Variants in NUP35 observed in about 807,000 individuals in gnomAD.
NUP35 encodes nucleoporin 35.
Under a neutral mutation model 41.5 loss-of-function variants are expected in NUP35, and 25 were observed. That is an observed-to-expected ratio of 0.60 (90% CI 0.44 to 0.84). The LOEUF (loss-of-function observed/expected upper bound fraction) is 0.84, where lower values mean the gene tolerates loss of function less well. Among genes scored for constraint, NUP35 ranks in the 40% least tolerant of loss-of-function variants. The pLI is 0.00. For synonymous variants in NUP35, 149 were observed against 130.7 expected (o/e 1.14, Z -0.96); for missense variants, 396 against 396.6 (o/e 1.00, Z 0.01).
intron 4 of NUP35, among the ~76,000 whole-genome samples, chr2:183,140,912 A>T (rs1452051269): frequency 6.6e-6 from 1 of 152,066 alleles, no homozygotes. Flanking sequence ...GCCAGTCCAG[A>T]TCTTAGAGCT....
intron 4 of NUP35, among the ~76,000 whole-genome samples, chr2:183,138,265 A>ATTTTTT (rs1167656474): frequency 1.4e-4 from 10 of 69,190 alleles, no homozygotes; most frequent in East Asian, 1.0e-3. Flanking sequence ...ATATATATAT[A>ATTTTTT]TATATTTTTT....
chr2:183,154,434 C>T (rs148171414), intron 5 of NUP35, among the ~76,000 whole-genome samples: 8,208 of 152,300 alleles, frequency 0.054, 282 homozygotes, highest in Middle Eastern at 0.082. Flanking sequence ...CTTTTGAATG[C>T]TTTGCTGCTT....
intron 4 of NUP35, among the ~76,000 whole-genome samples, chr2:183,150,512 T>G (rs1685433328): frequency 6.6e-6 from 1 of 152,154 alleles, no homozygotes; most frequent in Admixed American, 6.6e-5. Flanking sequence ...TTTGCTTCCC[T>G]TGTCCTTCAG....
intron 4 of NUP35, among the ~76,000 whole-genome samples, chr2:183,141,349 G>T (rs1387278733): frequency 1.3e-5 from 2 of 152,180 alleles, no homozygotes; most frequent in Admixed American, 6.5e-5. Context: ...TTGCCACATA[G>T]ATAGCATTTG....
At chr2:183,150,850 C>A (rs1359654148) in intron 4 of NUP35, among the ~76,000 whole-genome samples, 1 of 152,186 alleles carries the variant, frequency 6.6e-6, no homozygotes, top group African/African-American at 2.4e-5. Context: ...ATAGTCTTTG[C>A]TTCTCTCAAA....
At chr2:183,123,912 C>G, upstream of NUP35, 14 of 699,650 alleles carry the variant, frequency 2.0e-5, no homozygotes, top group Non-Finnish European at 2.5e-5. Flanking sequence ...TGCAACAAAA[C>G]GGCGTATGAG....
At chr2:183,136,011 T>C (rs974944067) in intron 4 of NUP35, among the ~76,000 whole-genome samples, 2 of 152,228 alleles carry the variant, frequency 1.3e-5, no homozygotes, top group African/African-American at 4.8e-5. Context: ...ATTGGATCCT[T>C]TGAATCCTCC....
chr2:183,155,563 GTC>G (rs748545985), intron 5 of NUP35, among the ~76,000 whole-genome samples: 2 of 143,504 alleles, frequency 1.4e-5, no homozygotes, highest in Admixed American at 7.3e-5. Context: ...CATTTTTATA[GTC>G]TCTCATAAAA....
At chr2:183,143,047 T>C (rs1443612614) in intron 4 of NUP35, among the ~76,000 whole-genome samples, 8 of 150,520 alleles carry the variant, frequency 5.3e-5, no homozygotes, top group Non-Finnish European at 1.2e-4. Context: ...TCCCAGCTAC[T>C]CGGGAGGCTG....
intron 4 of NUP35, among the ~76,000 whole-genome samples, chr2:183,142,958 C>T (rs901774626): frequency 4.6e-5 from 7 of 151,470 alleles, no homozygotes; most frequent in African/African-American, 9.7e-5. Context: ...AGATCGAGAC[C>T]GTCCTAGCTA....
intron 1 of NUP35, among the ~76,000 whole-genome samples, chr2:183,125,436 G>C (rs1260489371): frequency 2.7e-5 from 4 of 149,566 alleles, no homozygotes. Flanking sequence ...TGTGGAAAGA[G>C]TCTTTAGATT....
intron 5 of NUP35, among the ~76,000 whole-genome samples, chr2:183,153,710 G>A (rs937299559): frequency 1.3e-5 from 2 of 152,136 alleles, no homozygotes; most frequent in African/African-American, 4.8e-5. Context: ...TTGCGTGTAT[G>A]GGTTTTCCAG....
At position 183,130,470 on chromosome 2, in the gene NUP35, T is replaced by C. The variant is rs1391301142; in HGVS notation, c.264T>C (p.Ala88=). ...VVPAHKDKSG[A]PPVRSIYDDI... is the part of the protein sequence containing the mutation. ...CAGCTCATAAAGATAAAAGTGGCGC[T>C]CCACCAGTTAGAAGTATATATGATG... is the stretch of plus-strand genomic sequence containing the variant. The change falls in exon 3 of 9, where the codon GCT becomes GCC. Residue 88 remains alanine (A), a synonymous_variant. Transcript: ENST00000295119. 6.2e-7 allele frequency: 1 copy of C among 1,607,046 alleles called. No homozygotes were observed. Among genetic ancestry groups the C allele is most frequent in the Admixed American group, 1.7e-5 (1 of 58,780 alleles).
chr2:183,149,934 A>T (rs1490614038), intron 4 of NUP35, among the ~76,000 whole-genome samples: 1 of 151,766 alleles, frequency 6.6e-6, no homozygotes, highest in African/African-American at 2.4e-5. Context: ...TTTGAGACAG[A>T]GTCTCTCTGT....
chr2:183,159,807 A>G (rs1685804885), intron 8 of NUP35, 155 bp downstream of exon 8: 1 of 540,194 alleles, frequency 1.9e-6, no homozygotes, highest in South Asian at 3.4e-5. Context: ...TTTCTGCTTT[A>G]AAGTTAACAT....
At chr2:183,119,556 G>T (rs1700037553), upstream of NUP35, among the ~76,000 whole-genome samples, 1 of 152,152 alleles carries the variant, frequency 6.6e-6, no homozygotes, top group Non-Finnish European at 1.5e-5. Flanking sequence ...GCTAGGCAGA[G>T]GGTTGATGTG....
chr2:183,156,162 A>C lies in NUP35; in HGVS notation c.540-1282A>C, dbSNP rs150753603. On this transcript the variant is annotated intron_variant, in intron 5 of 8. Transcript: ENST00000295119. ...TTTTAGAATTATGTTTTATTTCTTA[A>C]GTACTTCCCTCACTTGCAGCCATTC... 9.9e-3 allele frequency among the ~76,000 whole-genome samples: 1,503 copies of C among 152,266 alleles called. 31 individuals are homozygous for C. Among genetic ancestry groups the C allele is most frequent in the African/African-American group, 0.035 (1,438 of 41,564 alleles).
chr2:183,123,551 A>C (rs978607951), upstream of NUP35, among the ~76,000 whole-genome samples: 2 of 152,240 alleles, frequency 1.3e-5, no homozygotes, highest in Admixed American at 6.5e-5. Flanking sequence ...AGGAAGTCCT[A>C]GAAGAAATAG....
In NUP35 at chr2:183,161,020, C is replaced by T. The variant is rs767996347; in HGVS notation, c.904-34C>T. On this transcript the variant is annotated intron_variant, in intron 8 of 8. Coordinates refer to ENST00000295119, the MANE Select transcript of NUP35 (RefSeq NM_138285.5). ...GCCTATGACACTGAAGTAACAATAA[C>T]CTAACCGTTTTTTTTGTGTGTGTTT... 11 of 1,558,380 alleles carry T rather than the reference C, an allele frequency of 7.1e-6. No individual in the cohort carries two copies. The South Asian group carries it at 1.0e-4, about 14-fold the overall frequency.
Sources: gnomAD v4.1 joint callset for allele counts (sites outside exome capture counted in the v4.1 genomes callset) on GRCh38, gnomAD v4.1.1 for gene constraint, MANE v1.5 for transcripts, NCBI Gene and HGNC (gene_info 2026-07-23, HGNC 2026-07-21) for gene names.